Variants in PPEF1 observed in about 807,000 individuals in gnomAD.
PPEF1 encodes protein phosphatase with EF-hand domain 1, also known as serine/threonine-protein phosphatase with EF-hands 1.
PPEF1 carries 12 observed loss-of-function variants against 53.3 expected under a neutral mutation model. The observed-to-expected ratio is 0.23, with a 90% confidence interval of 0.14 to 0.36. PPEF1 has a LOEUF of 0.36. PPEF1 is among the 10% of genes least tolerant of loss of function. The probability of loss-of-function intolerance (pLI) is 1.00; values close to 1 mark genes in which losing one functional copy is unlikely to be tolerated. For missense variants in PPEF1, 334 were observed against 490.4 expected (o/e 0.68, Z 3.01); for synonymous variants, 165 against 176.7 (o/e 0.93, Z 0.52).
chrX:18,695,884 G>C (rs1348092448), intron 4 of PPEF1, among the ~76,000 whole-genome samples: 3 of 111,969 alleles, frequency 2.7e-5, no homozygotes, highest in Non-Finnish European at 5.6e-5. Context: ...CTGCTCACCA[G>C]GTGACCCCAA....
chrX:18,728,483 G>C (rs939431859), intron 1 of PPEF1, among the ~76,000 whole-genome samples: 6 of 111,085 alleles, frequency 5.4e-5, no homozygotes, highest in African/African-American at 2.0e-4. Context: ...CCCATGATCA[G>C]TTACCTCCCA....
At chrX:18,821,360 C>A (rs1408006273) in intron 13 of PPEF1, among the ~76,000 whole-genome samples, 5 of 110,437 alleles carry the variant, frequency 4.5e-5, no homozygotes, top group African/African-American at 1.6e-4. Context: ...TTGATGATAA[C>A]CTTAAATGTA....
chrX:18,786,794 AAAAAAAG>A (rs1301175306), intron 9 of PPEF1, among the ~76,000 whole-genome samples: 92 of 94,508 alleles, frequency 9.7e-4, no homozygotes, highest in Admixed American at 4.1e-3. Context: ...AAAAAAAAAA[AAAAAAAG>A]AAAAGAAAAG....
intron 4 of PPEF1, among the ~76,000 whole-genome samples, chrX:18,691,887 G>A (rs918072668): frequency 2.6e-4 from 29 of 111,699 alleles, no homozygotes; most frequent in African/African-American, 9.4e-4. Flanking sequence ...TGGACTATAC[G>A]GTAATCAAGT....
intron 3 of PPEF1, among the ~76,000 whole-genome samples, chrX:18,688,418 T>C (rs757728289): frequency 9.3e-4 from 105 of 112,937 alleles, no homozygotes; most frequent in African/African-American, 3.2e-3. Flanking sequence ...ATAGCTCTTA[T>C]TGACCTGTTA....
In PPEF1 at chrX:18,821,178, G is replaced by A. The variant is rs778479337; in HGVS notation, c.1502-2745G>A. Among the ~76,000 whole-genome samples, 447 of 101,699 alleles carry A rather than the reference G, an allele frequency of 4.4e-3. 8 individuals carry two copies. Among genetic ancestry groups the A allele is most frequent in the Admixed American group, 0.037 (336 of 9,198 alleles). The allele number at this position is 101,699 out of a possible 115,157, so 88.3% of individuals were successfully genotyped here. ...GCGCAGCTTGCAGTGAGCCGAGATT[G>A]CGCCACTGCACTCCAGACTGGGAGA... On this transcript the variant is annotated intron_variant, in intron 13 of 15. Coordinates refer to ENST00000470157, the MANE Select transcript of PPEF1 (RefSeq NM_001377996.1).
chrX:18,799,343 T>C (rs2046505768), intron 10 of PPEF1, among the ~76,000 whole-genome samples: 1 of 110,642 alleles, frequency 9.0e-6, no homozygotes, highest in Non-Finnish European at 1.9e-5. Flanking sequence ...GAGGCGGAGG[T>C]TGCAGTGAGC....
upstream of PPEF1, among the ~76,000 whole-genome samples, chrX:18,682,487 C>T (rs935292871): frequency 4.5e-5 from 5 of 111,956 alleles, no homozygotes; most frequent in South Asian, 3.7e-4. Context: ...GCATGAAAGA[C>T]GTCCACGACC....
chrX:18,678,765 C>G (rs1001818645), upstream of PPEF1, among the ~76,000 whole-genome samples: 1 of 111,438 alleles, frequency 9.0e-6, no homozygotes, highest in East Asian at 2.8e-4. Context: ...TTTCCTCTCA[C>G]TGCATACTCC....
At position 18,803,935 on chromosome X, in the gene PPEF1, G is replaced by A. The variant is rs2147684586; in HGVS notation, c.1109G>A (p.Cys370Tyr). ...AGTGATCCCAGAGGCAAAAATGGCT[G>A]TTTTCCAAATACGTGCCGAGGAGGG... ...LWSDPRGKNG[C>Y]FPNTCRGGGC... is the part of the protein sequence containing the mutation. Residue 370 changes from cysteine to tyrosine, a missense_variant, in exon 11 of 16, where the codon TGT becomes TAT. Transcript: ENST00000470157. 8.3e-7 allele frequency: 1 copy of A among 1,207,437 alleles called. No individual in the cohort carries two copies. The highest frequency in any genetic ancestry group is 3.0e-5 in the East Asian group (1 of 33,684).
intron 2 of PPEF1, among the ~76,000 whole-genome samples, chrX:18,732,778 C>T (rs1253167902): frequency 8.9e-6 from 1 of 112,275 alleles, no homozygotes; most frequent in African/African-American, 3.2e-5. Context: ...TTGCAGATAC[C>T]TGGTGGCCAT....
At chrX:18,696,918 C>T (rs1929762073) in intron 4 of PPEF1, among the ~76,000 whole-genome samples, 1 of 112,337 alleles carries the variant, frequency 8.9e-6, no homozygotes, top group Non-Finnish European at 1.9e-5. Context: ...GTCTCCTCTC[C>T]AGTCCAGCTG....
At chrX:18,727,029 A>G (rs7057637) in intron 1 of PPEF1, among the ~76,000 whole-genome samples, 2,088 of 112,250 alleles carry the variant, frequency 0.019, 59 homozygotes, top group African/African-American at 0.064. Context: ...CATTTATTCT[A>G]CAACATCATT....
chrX:18,806,373 G>C lies in PPEF1; in HGVS notation c.1252-30G>C, dbSNP rs765854390. On this transcript the variant is annotated intron_variant, in intron 11 of 15. Transcript: ENST00000470157. Reference sequence around the variant, plus strand: ...ATGACCTTTTGAGAACTAATGTTACGTGAACCTGACCCTCTTTTTCTTTAA... The same window carrying C: ...ATGACCTTTTGAGAACTAATGTTACCTGAACCTGACCCTCTTTTTCTTTAA... The C allele has an allele frequency of 5.9e-6, 7 of 1,183,255 alleles. No homozygotes were observed. In the East Asian group the frequency reaches 1.8e-4, roughly 30 times the overall value.
chrX:18,756,164 C>T (rs1461972742), intron 4 of PPEF1, among the ~76,000 whole-genome samples: 1 of 110,442 alleles, frequency 9.1e-6, no homozygotes, highest in Non-Finnish European at 1.9e-5. Flanking sequence ...AAAAAAATGA[C>T]GTGTTTCTCC....
chrX:18,709,962 A>T (rs1440671099), intron 1 of PPEF1, among the ~76,000 whole-genome samples: 1 of 112,079 alleles, frequency 8.9e-6, no homozygotes, highest in Non-Finnish European at 1.9e-5. Context: ...ACCATTCTAC[A>T]TTCCTACCAG....
At chrX:18,726,287 A>G (rs1192082597) in intron 1 of PPEF1, among the ~76,000 whole-genome samples, 5 of 110,584 alleles carry the variant, frequency 4.5e-5, no homozygotes, top group Admixed American at 9.7e-5. Flanking sequence ...CAGGAGGCGG[A>G]GGTTGCAGTG....
chrX:18,735,874 T>A (rs1269888900), intron 3 of PPEF1, among the ~76,000 whole-genome samples: 2 of 112,022 alleles, frequency 1.8e-5, no homozygotes, highest in Non-Finnish European at 3.8e-5. Context: ...CTACGTATTT[T>A]ATTCTCTTTG....
Position 18,739,202 on chromosome X carries a change from A to G in PPEF1, c.235+5394A>G, listed in dbSNP as rs74475599. Reference sequence around the variant, plus strand: ...AGGAGCTGCGTTCCTTTGGAGGAGAAGAGGCACTCTGAGTTTTAGAATTTT... The same window carrying G: ...AGGAGCTGCGTTCCTTTGGAGGAGAGGAGGCACTCTGAGTTTTAGAATTTT... On this transcript the variant is annotated intron_variant, in intron 3 of 15. Coordinates refer to ENST00000470157, the MANE Select transcript of PPEF1 (RefSeq NM_001377996.1). 8.8e-3 allele frequency among the ~76,000 whole-genome samples: 994 copies of G among 112,615 alleles called. 22 individuals carry two copies. In the South Asian group the frequency reaches 0.15, roughly 17 times the overall value.
Sources: allele counts gnomAD v4.1 joint callset (sites outside exome capture counted in the v4.1 genomes callset), GRCh38; gene constraint gnomAD v4.1.1; transcripts MANE v1.5; gene names NCBI Gene and HGNC (gene_info 2026-07-23, HGNC 2026-07-21).